The following ADAM22 variants were observed in gnomAD, a reference collection of about 807,000 sequenced individuals.
ADAM22 encodes disintegrin and metalloproteinase domain-containing protein 22.
Under a neutral mutation model 144.6 loss-of-function variants are expected in ADAM22, and 65 were observed. The ratio of observed to expected loss-of-function variants is 0.45; its 90% CI spans 0.37 to 0.55. The LOEUF is 0.55. Among genes scored for constraint, ADAM22 ranks in the 20% least tolerant of loss-of-function variants. ADAM22 has a pLI of 0.00. For missense variants in ADAM22, 974 were observed against 1,184.9 expected (o/e 0.82, Z 2.61); for synonymous variants, 391 against 412.6 (o/e 0.95, Z 0.63).
intron 4 of ADAM22, among the ~76,000 whole-genome samples, chr7:88,096,790 T>G (rs1821450303): frequency 6.6e-6 from 1 of 152,122 alleles, no homozygotes; most frequent in Non-Finnish European, 1.5e-5. Context: ...GTGGTTCAAC[T>G]CCCTTCTTGA....
chr7:88,080,090 G>C (rs2129482673), intron 4 of ADAM22, among the ~76,000 whole-genome samples: 1 of 152,232 alleles, frequency 6.6e-6, no homozygotes, highest in South Asian at 2.1e-4. Flanking sequence ...TGACCACATA[G>C]TTGGAAGTAA....
intron 3 of ADAM22, among the ~76,000 whole-genome samples, chr7:88,003,964 GC>G (rs1256860677): frequency 6.6e-6 from 1 of 152,148 alleles, no homozygotes; most frequent in Non-Finnish European, 1.5e-5. Context: ...TACACTCAAG[GC>G]CTGACTCTGC....
chr7:88,050,688 C>T (rs575378271), intron 3 of ADAM22, among the ~76,000 whole-genome samples: 1 of 152,136 alleles, frequency 6.6e-6, no homozygotes, highest in East Asian at 1.9e-4. Flanking sequence ...TATCCTTCAC[C>T]CACTTTTTGA....
At chr7:88,134,462 CTA>C (rs1563292844) in intron 13 of ADAM22, 43 bp downstream of exon 13, 1 of 1,427,572 alleles carries the variant, frequency 7.0e-7, no homozygotes, top group Non-Finnish European at 9.6e-7. Context: ...TTAAAATAGA[CTA>C]TTTGTGAAAT....
chr7:88,035,587 A>T (rs1233033329), intron 3 of ADAM22, among the ~76,000 whole-genome samples: 1 of 152,242 alleles, frequency 6.6e-6, no homozygotes, highest in African/African-American at 2.4e-5. Context: ...GGATGGTTGC[A>T]TCTGTTCTGA....
At chr7:88,093,144 A>G (rs1820380406) in intron 4 of ADAM22, among the ~76,000 whole-genome samples, 1 of 152,194 alleles carries the variant, frequency 6.6e-6, no homozygotes, top group African/African-American at 2.4e-5. Context: ...TTCTAATTAT[A>G]GAACTAACCT....
chr7:88,197,475 A>G lies in ADAM22; in HGVS notation c.*984A>G, dbSNP rs1850806421. 2.0e-5 allele frequency: 3 copies of G among 152,188 alleles called. No homozygotes were observed. The highest frequency in any genetic ancestry group is 2.9e-5 in the Non-Finnish European group (2 of 68,052). The allele number at this position is 152,188 out of a possible 1,614,324, so 9.4% of individuals were successfully genotyped here. A position where few individuals can be genotyped will look rare whatever the true frequency, so the allele number is the denominator to read the frequency against. On this transcript the variant is annotated 3_prime_UTR_variant, in exon 32 of 32. Transcript: ENST00000413139. Reference sequence around the variant, plus strand: ...TGGAAATCATCTATCCCATCCGTCCATCCCATCTCATCCCAGTGAGCCAGC... The same window carrying G: ...TGGAAATCATCTATCCCATCCGTCCGTCCCATCTCATCCCAGTGAGCCAGC...
chr7:88,051,027 G>A (rs1251835295), intron 3 of ADAM22, among the ~76,000 whole-genome samples: 2 of 152,092 alleles, frequency 1.3e-5, no homozygotes, highest in African/African-American at 4.8e-5. Flanking sequence ...ATCTTGAATG[G>A]CGATCATTAA....
intron 30 of ADAM22, among the ~76,000 whole-genome samples, chr7:88,192,902 C>T (rs987601760): frequency 6.6e-6 from 1 of 152,132 alleles, no homozygotes; most frequent in Non-Finnish European, 1.5e-5. Flanking sequence ...TATGTTCTAA[C>T]ATTTAAATAA....
intron 4 of ADAM22, among the ~76,000 whole-genome samples, chr7:88,077,892 G>T (rs945439419): frequency 6.6e-6 from 1 of 152,218 alleles, no homozygotes; most frequent in Non-Finnish European, 1.5e-5. Flanking sequence ...AGGCCTGCCT[G>T]CCTCTGTAGG....
intron 4 of ADAM22, among the ~76,000 whole-genome samples, chr7:88,078,584 A>C (rs1208220007): frequency 6.6e-6 from 1 of 152,218 alleles, no homozygotes; most frequent in African/African-American, 2.4e-5. Flanking sequence ...ATGGCAAAGA[A>C]GTTAAAAACT....
intron 3 of ADAM22, among the ~76,000 whole-genome samples, chr7:87,985,125 A>T (rs901256429): frequency 1.3e-5 from 2 of 151,464 alleles, no homozygotes; most frequent in African/African-American, 4.9e-5. Flanking sequence ...TATCCTGGCT[A>T]ACATGGTGAA....
intron 11 of ADAM22, 40 bp from the exon 12 acceptor site, chr7:88,132,827 A>G (rs763340835): frequency 1.9e-6 from 3 of 1,549,820 alleles, no homozygotes; most frequent in Non-Finnish European, 2.7e-6. Flanking sequence ...TGATGTTTGA[A>G]CTGTGAACAG....
intron 3 of ADAM22, among the ~76,000 whole-genome samples, chr7:87,987,206 T>C (rs1788692538): frequency 6.6e-6 from 1 of 152,146 alleles, no homozygotes; most frequent in Admixed American, 6.5e-5. Flanking sequence ...TTTTGGACAG[T>C]CTCACTCTGT....
intron 2 of ADAM22, among the ~76,000 whole-genome samples, chr7:87,956,033 C>T (rs1225559135): frequency 6.6e-6 from 1 of 152,210 alleles, no homozygotes; most frequent in East Asian, 1.9e-4. Flanking sequence ...CGTCTGTCAC[C>T]CCTTTCCTTG....
chr7:88,136,547 A>T (rs1833018295), intron 14 of ADAM22, among the ~76,000 whole-genome samples: 1 of 152,092 alleles, frequency 6.6e-6, no homozygotes, highest in Admixed American at 6.5e-5. Flanking sequence ...TCATTTTTAT[A>T]CTGTCCTCCC....
chr7:87,974,348 A>C (rs772127179), intron 2 of ADAM22, among the ~76,000 whole-genome samples: 4 of 151,770 alleles, frequency 2.6e-5, no homozygotes, highest in African/African-American at 9.7e-5. Flanking sequence ...GAAGCACCAT[A>C]TTTCTTCTCT....
chr7:88,168,334 AT>A lies in ADAM22; in HGVS notation c.2282+108del, dbSNP rs766590848. The A allele has an allele frequency of 2.3e-5, 26 of 1,135,394 alleles. No individual in the cohort carries two copies. In the East Asian group the frequency reaches 5.8e-4, roughly 25 times the overall value. 70.3% of individuals were successfully genotyped at this position (1,135,394 alleles called of 1,614,324 possible). A position where few individuals can be genotyped will look rare whatever the true frequency, so the allele number is the denominator to read the frequency against. On this transcript the variant is annotated intron_variant, in intron 25 of 31. Transcript: ENST00000413139. ...GTATCATTGGTTGAATATACTTGCA[AT>A]GAAAATCAGCTTGGCTCAGCAGCCA...
intron 3 of ADAM22, 81 bp from the exon 4 acceptor site, chr7:88,075,545 A>T: frequency 1.7e-6 from 2 of 1,193,106 alleles, no homozygotes; most frequent in South Asian, 2.5e-5. Context: ...GTTAAAGCAG[A>T]TATGTGTAAA....
Sources: allele counts gnomAD v4.1 joint callset (sites outside exome capture counted in the v4.1 genomes callset), GRCh38; gene constraint gnomAD v4.1.1; transcripts MANE v1.5; gene names NCBI Gene and HGNC (gene_info 2026-07-23, HGNC 2026-07-21).